The following GRM7 variants were observed in gnomAD, a reference collection of about 807,000 sequenced individuals.
The protein encoded by GRM7 is glutamate metabotropic receptor 7, also known as metabotropic glutamate receptor 7.
A neutral mutation model predicts 84.5 loss-of-function variants in GRM7; 35 were observed. That is an observed-to-expected ratio of 0.41 (90% CI 0.32 to 0.55). The LOEUF (loss-of-function observed/expected upper bound fraction) is 0.55. Among genes scored for constraint, GRM7 ranks in the 20% least tolerant of loss-of-function variants. The pLI, the probability that GRM7 is intolerant of heterozygous loss-of-function variation, is 0.19. For missense variants in GRM7, 1,003 were observed against 1,194.6 expected (o/e 0.84, Z 2.36); for synonymous variants, 487 against 455.1 (o/e 1.07, Z -0.89).
chr3:6,900,702 G>C (rs144566037), intron 1 of GRM7, among the ~76,000 whole-genome samples: 6 of 152,184 alleles, frequency 3.9e-5, no homozygotes, highest in East Asian at 3.9e-4. Flanking sequence ...AGACCGAAAG[G>C]GTTCTTTTAA....
At chr3:7,686,401 T>C (rs1373659737) in intron 9 of GRM7, 16 of 1,562,172 alleles carry the variant, frequency 1.0e-5, no homozygotes, top group African/African-American at 1.4e-5. Flanking sequence ...GTCTGTTACT[T>C]GGTACACTAT....
At chr3:7,363,555 T>G (rs1319129514) in intron 4 of GRM7, among the ~76,000 whole-genome samples, 7 of 152,122 alleles carry the variant, frequency 4.6e-5, no homozygotes, top group Admixed American at 2.6e-4. Flanking sequence ...GTTTATACCC[T>G]TAATGGAAGA....
At chr3:7,184,874 C>T (rs1402765989) in intron 2 of GRM7, among the ~76,000 whole-genome samples, 2 of 151,910 alleles carry the variant, frequency 1.3e-5, no homozygotes, top group African/African-American at 4.8e-5. Flanking sequence ...TTGTTCTATG[C>T]TCACCTAATT....
At chr3:7,431,373 A>G (rs780137997) in intron 5 of GRM7, among the ~76,000 whole-genome samples, 16 of 152,204 alleles carry the variant, frequency 1.1e-4, no homozygotes, top group Non-Finnish European at 1.8e-4. Flanking sequence ...ACTAATTTAT[A>G]GTGCTAGATA....
At chr3:7,592,070 G>A (rs146414515) in intron 8 of GRM7, among the ~76,000 whole-genome samples, 1 of 152,100 alleles carries the variant, frequency 6.6e-6, no homozygotes, top group African/African-American at 2.4e-5. Context: ...AATTCATTCT[G>A]TATGTATCTA....
chr3:7,129,928 T>C (rs933161750), intron 1 of GRM7, among the ~76,000 whole-genome samples: 2 of 152,198 alleles, frequency 1.3e-5, no homozygotes, highest in Non-Finnish European at 2.9e-5. Flanking sequence ...TGAAATCACA[T>C]ATACAGAGGG....
chr3:7,711,698 G>A (rs375761254), intron 9 of GRM7, among the ~76,000 whole-genome samples: 2 of 152,148 alleles, frequency 1.3e-5, no homozygotes, highest in African/African-American at 2.4e-5. Flanking sequence ...CCCTATCCGC[G>A]TTCTTTTAGT....
chr3:7,652,099 C>T (rs1698969188), intron 8 of GRM7, among the ~76,000 whole-genome samples: 1 of 152,178 alleles, frequency 6.6e-6, no homozygotes, highest in East Asian at 1.9e-4. Flanking sequence ...TAAACCAAGG[C>T]ACCAAATCAG....
intron 1 of GRM7, among the ~76,000 whole-genome samples, chr3:6,964,867 T>C (rs987072840): frequency 6.6e-6 from 1 of 152,216 alleles, no homozygotes; most frequent in Admixed American, 6.5e-5. Context: ...TCTTCTGTGT[T>C]CAATATCTCA....
At chr3:6,992,732 A>C (rs1047197741) in intron 1 of GRM7, among the ~76,000 whole-genome samples, 2 of 152,204 alleles carry the variant, frequency 1.3e-5, no homozygotes, top group African/African-American at 2.4e-5. Flanking sequence ...AGCCACTGCC[A>C]GAAAAAAATG....
chr3:7,156,224 G>A (rs541162949), intron 2 of GRM7, among the ~76,000 whole-genome samples: 1 of 152,154 alleles, frequency 6.6e-6, no homozygotes, highest in Non-Finnish European at 1.5e-5. Context: ...TGCTAAGTAT[G>A]GGGGGAAAGC....
Position 7,389,545 on chromosome 3 carries a change from A to G in GRM7, c.1034-25478A>G, listed in dbSNP as rs569127402. ...TTGTTTTATAAGTCCAGGTGCTCCA[A>G]TGTTGGATGTGTGTACATTTTGGAT... On this transcript the variant is annotated intron_variant, in intron 4 of 9. Coordinates refer to ENST00000357716, the MANE Select transcript of GRM7 (RefSeq NM_000844.4). 5.9e-5 allele frequency among the ~76,000 whole-genome samples: 9 copies of G among 152,190 alleles called. No homozygotes were observed. In the South Asian group the frequency reaches 1.5e-3, roughly 25 times the overall value.
chr3:7,566,940 T>C (rs997080243), intron 7 of GRM7, among the ~76,000 whole-genome samples: 1 of 152,182 alleles, frequency 6.6e-6, no homozygotes, highest in Non-Finnish European at 1.5e-5. Flanking sequence ...ATTCTGCAAA[T>C]TTAAGATAAG....
At chr3:7,609,019 G>A (rs186209453) in intron 8 of GRM7, among the ~76,000 whole-genome samples, 1 of 152,206 alleles carries the variant, frequency 6.6e-6, no homozygotes, top group East Asian at 1.9e-4. Context: ...AAGATTAGAT[G>A]GTCATACATG....
chr3:7,330,943 T>C (rs150108547), intron 4 of GRM7, among the ~76,000 whole-genome samples: 3 of 152,300 alleles, frequency 2.0e-5, no homozygotes, highest in East Asian at 3.9e-4. Context: ...ACCTGAATTG[T>C]CACCCTTCAG....
At chr3:7,060,613 T>C (rs898507894) in intron 1 of GRM7, among the ~76,000 whole-genome samples, 1 of 151,720 alleles carries the variant, frequency 6.6e-6, no homozygotes, top group African/African-American at 2.4e-5. Context: ...AAATTAACTA[T>C]TGTTATGTTA....
rs1696504982 is a variant in GRM7, at chr3:7,213,651, A to G, written c.736+66983A>G. On this transcript the variant is annotated intron_variant, in intron 2 of 9. Coordinates refer to ENST00000357716, the MANE Select transcript of GRM7 (RefSeq NM_000844.4). ...ACAGGAGGATAGAGGAAGACGATGAACTTCTACGCAGTCACAACACAGGCC... is the reference window on the plus strand; with the variant it reads ...ACAGGAGGATAGAGGAAGACGATGAGCTTCTACGCAGTCACAACACAGGCC... Among the ~76,000 whole-genome samples, 3 of 152,282 alleles carry G rather than the reference A, an allele frequency of 2.0e-5. No individual in the cohort carries two copies. In the South Asian group the frequency reaches 6.2e-4, roughly 32 times the overall value.
At chr3:7,612,635 AG>A (rs1464188709) in intron 8 of GRM7, among the ~76,000 whole-genome samples, 1 of 152,228 alleles carries the variant, frequency 6.6e-6, no homozygotes, top group Non-Finnish European at 1.5e-5. Context: ...GTTGAGGTTC[AG>A]ACTTCTCCGC....
chr3:6,931,865 C>CTTG (rs1697513031), intron 1 of GRM7, among the ~76,000 whole-genome samples: 1 of 152,164 alleles, frequency 6.6e-6, no homozygotes, highest in African/African-American at 2.4e-5. Context: ...TTGGGGATTC[C>CTTG]AACTTAATCA....
Sources: allele counts gnomAD v4.1 joint callset (sites outside exome capture counted in the v4.1 genomes callset), GRCh38; gene constraint gnomAD v4.1.1; transcripts MANE v1.5; gene names NCBI Gene and HGNC (gene_info 2026-07-23, HGNC 2026-07-21).